MPDZ: variants seen among roughly 807,000 people sequenced by gnomAD.
The protein encoded by MPDZ is multiple PDZ domain crumbs cell polarity complex component.
A neutral mutation model predicts 239.1 loss-of-function variants in MPDZ; 234 were observed. The ratio of observed to expected loss-of-function variants is 0.98; its 90% confidence interval spans 0.88 to 1.09. The LOEUF (loss-of-function observed/expected upper bound fraction) is 1.09. Ranked by LOEUF, MPDZ falls within the 50% of genes least tolerant of loss-of-function variation. The probability of loss-of-function intolerance (pLI) is 0.00; values close to 1 mark genes in which losing one functional copy is unlikely to be tolerated. For missense variants in MPDZ, 3,175 were observed against 2,510.0 expected, an observed-to-expected ratio of 1.26 and a Z score of -5.66; for synonymous variants, 1,048 against 881.3, an observed-to-expected ratio of 1.19 and a Z score of -3.35.
chr9:13,269,894 A>G (rs1972579255), intron 1 of MPDZ, among the ~76,000 whole-genome samples: 1 of 152,196 alleles, frequency 6.6e-6, no homozygotes, highest in Admixed American at 6.5e-5. Context: ...CTATGAACCT[A>G]TCTGAACACG....
Position 13,237,395 on chromosome 9 carries a change from C to A in MPDZ, c.183+10240G>T, listed in dbSNP as rs561948364. 8.4e-5 allele frequency among the ~76,000 whole-genome samples: 12 copies of A among 143,578 alleles called. No individual in the cohort carries two copies. In the East Asian group the frequency reaches 2.1e-3, roughly 25 times the overall value. 94.2% of individuals were successfully genotyped at this position (143,578 alleles called of 152,430 possible). A position where few individuals can be genotyped will look rare whatever the true frequency, so the allele number is the denominator to read the frequency against. On this transcript the variant is annotated intron_variant, in intron 3 of 46. Transcript: ENST00000319217. ...GAGGCTGCAGTGAGCCATGAGCATG[C>A]CACTGCACTCCAGCCCAGTCTACGT...
rs1050101773 is a variant in MPDZ, at chr9:13,193,306, T to A, written c.1664A>T (p.His555Leu). The A allele has an allele frequency of 6.3e-7, 1 of 1,585,924 alleles. No homozygotes were observed. Among genetic ancestry groups the A allele is most frequent in the Non-Finnish European group, 8.6e-7 (1 of 1,168,680 alleles). ...ACTGTTCTCACTAAACTTGCTCACA[T>A]GGGCCACCTGAAAAGAAAAAAAAAA... ...MGINYEIVVA[H>L]VSKFSENSGL... The change falls in exon 14 of 47, where the codon CAT becomes CTT. Residue 555 changes from histidine to leucine, a missense_variant. Transcript: ENST00000319217.
At chr9:13,144,291 C>A (rs932960913) in intron 26 of MPDZ, among the ~76,000 whole-genome samples, 2 of 152,024 alleles carry the variant, frequency 1.3e-5, no homozygotes, top group East Asian at 3.9e-4. Context: ...GAAGTCCTGC[C>A]TTAGAGTGTT....
intron 10 of MPDZ, among the ~76,000 whole-genome samples, chr9:13,211,942 T>G (rs1025412271): frequency 6.6e-6 from 1 of 152,032 alleles, no homozygotes; most frequent in Non-Finnish European, 1.5e-5. Context: ...AAGACAAAAA[T>G]TAATGTAAAA....
intron 12 of MPDZ, among the ~76,000 whole-genome samples, chr9:13,201,020 T>C (rs1448400974): frequency 6.6e-6 from 1 of 152,084 alleles, no homozygotes; most frequent in East Asian, 1.9e-4. Flanking sequence ...AGAAGTCCCC[T>C]GCAATTATCA....
chr9:13,234,131 G>A (rs1405325672), intron 3 of MPDZ, among the ~76,000 whole-genome samples: 1 of 151,890 alleles, frequency 6.6e-6, no homozygotes, highest in Non-Finnish European at 1.5e-5. Context: ...TTTGATATAT[G>A]CTGGTACAAG....
chr9:13,120,138 A>G (rs537383453), intron 38 of MPDZ: 1 of 156,348 alleles, frequency 6.4e-6, no homozygotes, highest in African/African-American at 2.4e-5. Flanking sequence ...CTCAAAATCT[A>G]AGTACCATTG....
chr9:13,131,738 C>A (rs1325014064), intron 32 of MPDZ, among the ~76,000 whole-genome samples: 1 of 152,152 alleles, frequency 6.6e-6, no homozygotes, highest in Non-Finnish European at 1.5e-5. Context: ...CTTGTGGCCA[C>A]CAGCAGCATG....
chr9:13,230,410 T>C (rs1161016928), intron 3 of MPDZ, among the ~76,000 whole-genome samples: 1 of 152,204 alleles, frequency 6.6e-6, no homozygotes, highest in Non-Finnish European at 1.5e-5. Flanking sequence ...TACCCCTCAG[T>C]AGGTAAATCC....
chr9:13,122,188 A>C lies in MPDZ; in HGVS notation c.4954-18T>G. On this transcript the variant is annotated intron_variant, in intron 36 of 46. Transcript: ENST00000319217. ...ATGGCACCCTAAGGGCCCAAACAAA[A>C]CATACCCATACTTATCCCATTCTCC... The C allele has an allele frequency of 6.2e-7, 1 of 1,608,044 alleles. No homozygotes were observed. Among genetic ancestry groups the C allele is most frequent in the Non-Finnish European group, 8.5e-7 (1 of 1,174,674 alleles).
chr9:13,200,341 A>G (rs1200857240), intron 12 of MPDZ, among the ~76,000 whole-genome samples: 1 of 151,960 alleles, frequency 6.6e-6, no homozygotes, highest in Non-Finnish European at 1.5e-5. Flanking sequence ...TTTTTGGCTT[A>G]CTATGGCGAA....
chr9:13,254,627 C>A (rs1968971702), intron 1 of MPDZ, among the ~76,000 whole-genome samples: 1 of 152,032 alleles, frequency 6.6e-6, no homozygotes. Flanking sequence ...AGTTCCAGAC[C>A]ACTGCAATAA....
At chr9:13,278,738 G>T (rs1203408346) in intron 1 of MPDZ, among the ~76,000 whole-genome samples, 2 of 152,152 alleles carry the variant, frequency 1.3e-5, no homozygotes, top group Non-Finnish European at 2.9e-5. Context: ...TGCCAGGGGT[G>T]AGGGACGGGG....
At chr9:13,257,780 G>C (rs1283001989) in intron 1 of MPDZ, among the ~76,000 whole-genome samples, 1 of 152,138 alleles carries the variant, frequency 6.6e-6, no homozygotes, top group Non-Finnish European at 1.5e-5. Flanking sequence ...CAGGATGCTA[G>C]TTAAATTTGA....
Position 13,109,003 on chromosome 9 carries a change from C to G in MPDZ, c.5999G>C (p.Ser2000Thr). The change falls in exon 46 of 47, where the codon AGT becomes ACT. Residue 2000 changes from serine to threonine, a missense_variant. Ser to Thr is a moderately conservative substitution (Grantham distance 58). Transcript: ENST00000319217. ...AGGGCTGCCATATCCTCCAACTATA[C>G]TGAAGCCTAAGCCATCTGGTCCTCG... is the stretch of plus-strand genomic sequence containing the variant. ...LERGPDGLGF[S>T]IVGGYGSPHG... 6.2e-7 allele frequency: 1 copy of G among 1,601,584 alleles called. No individual in the cohort carries two copies. The highest frequency in any genetic ancestry group is 8.5e-7 in the Non-Finnish European group (1 of 1,173,178).
At chr9:13,107,301 T>A (rs1941625125) in intron 46 of MPDZ, among the ~76,000 whole-genome samples, 190 bp from the exon 47 acceptor site, 1 of 152,260 alleles carries the variant, frequency 6.6e-6, no homozygotes, top group Middle Eastern at 3.4e-3. Context: ...CCTAAATGGT[T>A]TTAGCATTGA....
chr9:13,111,364 G>C (rs1271459213), intron 43 of MPDZ, among the ~76,000 whole-genome samples: 1 of 152,172 alleles, frequency 6.6e-6, no homozygotes. Context: ...TATCAAACGA[G>C]GCTGAACCAT....
At chr9:13,185,656 T>C (rs1953993186) in intron 18 of MPDZ, among the ~76,000 whole-genome samples, 1 of 152,146 alleles carries the variant, frequency 6.6e-6, no homozygotes. Flanking sequence ...TTGTACCCTC[T>C]ACAAGAAAAA....
At chr9:13,132,486 A>G (rs1256478202) in intron 32 of MPDZ, among the ~76,000 whole-genome samples, 2 of 152,204 alleles carry the variant, frequency 1.3e-5, no homozygotes, top group East Asian at 3.9e-4. Flanking sequence ...TGCTATGAAC[A>G]TCTATCAAGC....
Sources: allele counts gnomAD v4.1 joint callset (sites outside exome capture counted in the v4.1 genomes callset), GRCh38; gene constraint gnomAD v4.1.1; transcripts MANE v1.5; gene names NCBI Gene and HGNC (gene_info 2026-07-23, HGNC 2026-07-21).